Variants in KANTR observed in about 807,000 individuals in gnomAD.
The protein encoded by KANTR is KANTR integral membrane protein.
chrX:53,115,359 G>A (rs1012502493), intron 2 of KANTR, among the ~76,000 whole-genome samples: 1 of 112,280 alleles, frequency 8.9e-6, no homozygotes, highest in East Asian at 2.8e-4. Flanking sequence ...GGCTGGCCTG[G>A]TGCTGGGGTG....
intron 2 of KANTR, among the ~76,000 whole-genome samples, chrX:53,102,752 A>G (rs1256375612): frequency 9.0e-6 from 1 of 111,567 alleles, no homozygotes; most frequent in African/African-American, 3.3e-5. Flanking sequence ...TCATATACAG[A>G]CATACACCCA....
At chrX:53,100,995 C>T (rs1225770664) in intron 2 of KANTR, among the ~76,000 whole-genome samples, 3 of 111,657 alleles carry the variant, frequency 2.7e-5, no homozygotes, top group African/African-American at 9.8e-5. Context: ...GCTTCCTCAC[C>T]TTTCTCAGCC....
At chrX:53,105,075 G>C (rs1459876665) in intron 2 of KANTR, among the ~76,000 whole-genome samples, 2 of 110,287 alleles carry the variant, frequency 1.8e-5, no homozygotes, top group Non-Finnish European at 3.8e-5. Flanking sequence ...TGTAGAGATG[G>C]GGTTTTGCCA....
At chrX:53,104,581 G>A (rs782316598) in intron 2 of KANTR, among the ~76,000 whole-genome samples, 278 of 110,735 alleles carry the variant, frequency 2.5e-3, no homozygotes, top group Middle Eastern at 0.014. Flanking sequence ...ATTCTCCCCA[G>A]TCCTAGCCAC....
downstream of KANTR, among the ~76,000 whole-genome samples, chrX:53,129,565 T>G (rs1209028075): frequency 1.8e-5 from 2 of 110,593 alleles, no homozygotes; most frequent in Non-Finnish European, 3.8e-5. Flanking sequence ...AGAAGGATAT[T>G]AAACACTGAC....
intron 2 of KANTR, among the ~76,000 whole-genome samples, chrX:53,117,607 GTGTTTTTTTTT>G (rs1165053554): frequency 2.9e-5 from 1 of 34,526 alleles, no homozygotes; most frequent in Non-Finnish European, 6.3e-5. Flanking sequence ...GTGTGTGTGT[GTGTTTTTTTTT>G]TTTTTTTTTT....
At chrX:53,129,234 T>TG (rs1556816611), downstream of KANTR, among the ~76,000 whole-genome samples, 60 of 81,552 alleles carry the variant, frequency 7.4e-4, no homozygotes, top group East Asian at 5.0e-3. Flanking sequence ...TGCCTGGCTA[T>TG]TTGTGTGTGT....
chrX:53,101,915 G>A (rs375958728), intron 2 of KANTR, among the ~76,000 whole-genome samples: 89 of 109,358 alleles, frequency 8.1e-4, no homozygotes, highest in South Asian at 3.2e-3. Context: ...CAGGAGAATC[G>A]CTTGAGCCCA....
intron 2 of KANTR, chrX:53,141,841 T>A (rs1350585043): frequency 1.2e-5 from 3 of 258,508 alleles, no homozygotes; most frequent in Non-Finnish European, 1.9e-5. Context: ...GATGAATATA[T>A]TTACAGGTGT....
downstream of KANTR, among the ~76,000 whole-genome samples, chrX:53,129,488 CT>C (rs1473040043): frequency 9.0e-6 from 1 of 110,651 alleles, no homozygotes; most frequent in African/African-American, 3.3e-5. Context: ...CTATAAATGC[CT>C]TTTTTTCCCT....
chrX:53,136,730 ATT>A lies in KANTR; in HGVS notation n.204-5115_204-5114del, dbSNP rs1491123008. On this transcript the variant is annotated intron_variant and non_coding_transcript_variant, in intron 2 of 2. Coordinates refer to the KANTR transcript ENST00000366185. ...TATATATATATATATATATATATAT[ATT>A]TTGTTTGTTTGTTTGTTTGTTTGTC... is the stretch of plus-strand genomic sequence containing the variant. Among the ~76,000 whole-genome samples the A allele has an allele frequency of 7.0e-4, 30 of 42,562 alleles. 1 individual carries two copies. The highest frequency in any genetic ancestry group is 1.1e-3 in the Admixed American group (3 of 2,639). The allele number at this position is 42,562 out of a possible 115,157, so 37.0% of individuals were successfully genotyped here. A position where few individuals can be genotyped will look rare whatever the true frequency, so the allele number is the denominator to read the frequency against.
exon 3 of KANTR, chrX:53,125,762 T>C (rs1933286357): frequency 9.0e-6 from 1 of 111,339 alleles, no homozygotes; most frequent in South Asian, 3.7e-4. Flanking sequence ...TCATTGTCAG[T>C]GTTATTTTAT....
chrX:53,110,982 A>T (rs961281537), intron 2 of KANTR, among the ~76,000 whole-genome samples: 1 of 109,341 alleles, frequency 9.1e-6, no homozygotes, highest in Non-Finnish European at 1.9e-5. Context: ...GAGTTTGAGA[A>T]TGACTGATAT....
intron 2 of KANTR, among the ~76,000 whole-genome samples, chrX:53,110,607 G>A (rs1556813572): frequency 8.9e-6 from 1 of 111,921 alleles, no homozygotes; most frequent in African/African-American, 3.2e-5. Flanking sequence ...GTCTGGCTTT[G>A]GTATCGGGGT....
intron 2 of KANTR, among the ~76,000 whole-genome samples, chrX:53,101,527 T>C (rs1932893388): frequency 8.9e-6 from 1 of 112,415 alleles, no homozygotes; most frequent in Non-Finnish European, 1.9e-5. Flanking sequence ...GGGTTATTAA[T>C]TGGCCTAATT....
In KANTR at chrX:53,124,160, A is replaced by G; in HGVS notation, c.-113A>G. 3.4e-6 allele frequency: 1 copy of G among 293,134 alleles called. No individual in the cohort carries two copies. Among genetic ancestry groups the G allele is most frequent in the South Asian group, 2.3e-4 (1 of 4,382 alleles). The allele number at this position is 293,134 out of a possible 1,213,427, so 24.2% of individuals were successfully genotyped here. On this transcript the variant is annotated 5_prime_UTR_variant, in exon 3 of 3. The change abolishes the stop of an existing upstream ORF in the 5' untranslated region. Coordinates refer to ENST00000604062, the Ensembl canonical transcript of KANTR. ...TGTTGAGGATTTCTTTTTCTTCTTG[A>G]GTCGATTTTGGTAAGATAACAGTTT...
chrX:53,094,927 TTC>T (rs782077658), intron 1 of KANTR: 1 of 112,791 alleles, frequency 8.9e-6, no homozygotes, highest in Non-Finnish European at 1.9e-5. Flanking sequence ...TTCTGAATGC[TTC>T]TGTCTTTCTC....
At chrX:53,110,651 G>A (rs950144004) in intron 2 of KANTR, among the ~76,000 whole-genome samples, 6 of 112,063 alleles carry the variant, frequency 5.4e-5, no homozygotes, top group Non-Finnish European at 1.1e-4. Context: ...GGGGCCGGGC[G>A]CCGTGGCTCA....
exon 3 of KANTR, chrX:53,127,136 A>G (rs782575095): frequency 4.5e-5 from 5 of 112,329 alleles, no homozygotes; most frequent in African/African-American, 9.7e-5. Context: ...GAGTTGCCCT[A>G]GTACTTCCAG....
Sources: allele counts gnomAD v4.1 joint callset (sites outside exome capture counted in the v4.1 genomes callset), GRCh38; gene constraint gnomAD v4.1.1; transcripts MANE v1.5; gene names NCBI Gene and HGNC (gene_info 2026-07-23, HGNC 2026-07-21).